Variants in ADD2 observed in about 807,000 individuals in gnomAD.
The protein encoded by ADD2 is beta-adducin.
Under a neutral mutation model 83.0 loss-of-function variants are expected in ADD2, and 23 were observed. The observed-to-expected ratio is 0.28, with a 90% CI of 0.20 to 0.39. The LOEUF is 0.39. ADD2 is among the 10% of genes least tolerant of loss of function. The probability of loss-of-function intolerance (pLI) is 1.00; values close to 1 mark genes in which losing one functional copy is unlikely to be tolerated. For synonymous variants in ADD2, 375 were observed against 375.4 expected (o/e 1.00, Z 0.01); for missense variants, 758 against 944.9 (o/e 0.80, Z 2.59).
At chr2:70,693,080 A>T (rs560796496) in intron 6 of ADD2, among the ~76,000 whole-genome samples, 1 of 152,282 alleles carries the variant, frequency 6.6e-6, no homozygotes, top group South Asian at 2.1e-4. Flanking sequence ...CTGCTTTACC[A>T]GTGACAGCTC....
At chr2:70,679,697 TA>T (rs34201521) in intron 10 of ADD2, among the ~76,000 whole-genome samples, 3,638 of 151,662 alleles carry the variant, frequency 0.024, 78 homozygotes, top group Admixed American at 0.058. Flanking sequence ...TAAGCAAAAT[TA>T]AAAAAAATAA....
At chr2:70,692,645 C>T in intron 6 of ADD2, 93 bp from the exon 7 acceptor site, 2 of 1,347,780 alleles carry the variant, frequency 1.5e-6, no homozygotes, top group Non-Finnish European at 2.0e-6. Flanking sequence ...TGCCGCCCAC[C>T]TGTCTTCACA....
At chr2:70,721,797 C>A (rs1465470882) in intron 1 of ADD2, among the ~76,000 whole-genome samples, 1 of 152,168 alleles carries the variant, frequency 6.6e-6, no homozygotes, top group East Asian at 1.9e-4. Context: ...CCAGCCCAAT[C>A]CCACATGCAG....
rs1247646529 is a variant in ADD2, at chr2:70,676,804, G to A, written c.1585C>T (p.Arg529Ter). 1.9e-6 allele frequency: 3 copies of A among 1,614,166 alleles called. No homozygotes were observed. Among genetic ancestry groups the A allele is most frequent in the South Asian group, 1.1e-5 (1 of 91,078 alleles). ...LLASVIAEKS[R>*]SPSTESQLMS... ...GGCAGCCTCTGCTCTACCGGGCTTC[G>A]GCTCTTCTCGGCAATGACGCTCGCC... The change falls in exon 13 of 16, where the codon CGA (arginine) becomes TGA (stop). Residue 529 changes from arginine (R) to a stop codon, truncating the protein, a stop_gained. Coordinates refer to ENST00000264436, the MANE Select transcript of ADD2 (RefSeq NM_001617.4). LOFTEE classifies it high-confidence loss of function. This position sits in a 1 kb window ranked among gnomAD's most constrained non-coding sequence, Gnocchi z 4.8.
rs761481671 is a variant in ADD2 at position 70,676,826 on chromosome 2, C to T, written c.1563G>A (p.Ala521=). The T allele has an allele frequency of 2.2e-5, 35 of 1,614,078 alleles. No individual in the cohort carries two copies. The highest frequency in any genetic ancestry group is 1.6e-4 in the Middle Eastern group (1 of 6,082). Residue 521 remains alanine (A), a synonymous_variant, in exon 13 of 16, where the codon GCG becomes GCA. Coordinates refer to ENST00000264436, the MANE Select transcript of ADD2 (RefSeq NM_001617.4). This position sits in a 1 kb window ranked among gnomAD's most constrained non-coding sequence, Gnocchi z 4.8. ...TTCGGCTCTTCTCGGCAATGACGCT[C>T]GCCAGGAGCTGGGACTGAGGCCCCG... ...KSAGPQSQLL[A]SVIAEKSRSP...
chr2:70,673,236 C>T (rs1553367488), intron 14 of ADD2: 3 of 1,614,034 alleles, frequency 1.9e-6, no homozygotes, highest in South Asian at 1.1e-5. Context: ...TCAAAACACA[C>T]CTACCAATAT....
At chr2:70,705,514 C>G (rs1671841119) in intron 3 of ADD2, among the ~76,000 whole-genome samples, 1 of 152,216 alleles carries the variant, frequency 6.6e-6, no homozygotes, top group Admixed American at 6.5e-5. Context: ...CCCCCAAGCT[C>G]TTCCTCAGTC....
chr2:70,710,056 A>T (rs981551916), intron 2 of ADD2, among the ~76,000 whole-genome samples: 1 of 152,032 alleles, frequency 6.6e-6, no homozygotes, highest in African/African-American at 2.4e-5. Context: ...CTGTTTAGTG[A>T]CTCATCATAG....
At chr2:70,746,251 C>T (rs1553381954) in intron 1 of ADD2, among the ~76,000 whole-genome samples, 1 of 152,200 alleles carries the variant, frequency 6.6e-6, no homozygotes. Flanking sequence ...CTTCTATGAG[C>T]TCTGAGGGCG....
chr2:70,755,129 T>A (rs1213438234), intron 1 of ADD2, among the ~76,000 whole-genome samples: 1 of 152,158 alleles, frequency 6.6e-6, no homozygotes, highest in Admixed American at 6.5e-5. Context: ...AATTACCCTC[T>A]ACACCTTTCA....
chr2:70,678,663 C>A, intron 11 of ADD2, 41 bp downstream of exon 11: 1 of 1,512,420 alleles, frequency 6.6e-7, no homozygotes, highest in Non-Finnish European at 8.8e-7. Context: ...CTAATGCAGC[C>A]TGCCCCTCTC....
intron 1 of ADD2, among the ~76,000 whole-genome samples, chr2:70,754,479 C>T (rs1362331364): frequency 6.6e-6 from 1 of 152,082 alleles, no homozygotes; most frequent in East Asian, 1.9e-4. Flanking sequence ...TCCTTCAAAA[C>T]CCCATCACCT....
At chr2:70,675,273 CCACAACACACAGCATTAAGTTATATG>C (rs1553368015) in intron 13 of ADD2, 3 of 1,000,838 alleles carry the variant, frequency 3.0e-6, no homozygotes, top group African/African-American at 1.7e-5. Flanking sequence ...GCAGTGCAAG[CCACAACACACAGCATTAAGTTATATG>C]CACAACACAC....
At chr2:70,674,413 A>AC (rs1358813791) in intron 14 of ADD2, among the ~76,000 whole-genome samples, 1 of 152,214 alleles carries the variant, frequency 6.6e-6, no homozygotes, top group Non-Finnish European at 1.5e-5. Context: ...TCTGGTGTTT[A>AC]CTGGCCTAAG....
chr2:70,676,155 C>G lies in ADD2; in HGVS notation c.1593+641G>C. Reference sequence around the variant, plus strand: ...AAATGTCATGCCCATTGCTACCTTGCAAGGAGCAGCAGTGATTTCAAACAC... The same window carrying G: ...AAATGTCATGCCCATTGCTACCTTGGAAGGAGCAGCAGTGATTTCAAACAC... On this transcript the variant is annotated intron_variant, in intron 13 of 15. Transcript: ENST00000264436. This position sits in a 1 kb window ranked among gnomAD's most constrained non-coding sequence, Gnocchi z 4.8. The G allele has an allele frequency of 1.0e-6, 1 of 985,540 alleles. No individual in the cohort carries two copies. Among genetic ancestry groups the G allele is most frequent in the Non-Finnish European group, 1.2e-6 (1 of 829,992 alleles). The allele number at this position is 985,540 out of a possible 1,614,324, so 61.0% of individuals were successfully genotyped here. A position where few individuals can be genotyped will look rare whatever the true frequency, so the allele number is the denominator to read the frequency against.
chr2:70,719,206 G>A (rs555648716), intron 1 of ADD2, among the ~76,000 whole-genome samples: 1 of 152,340 alleles, frequency 6.6e-6, no homozygotes, highest in South Asian at 2.1e-4. Flanking sequence ...TCACTGCAGT[G>A]TGGGTACAGC....
At chr2:70,710,557 T>C (rs1447291968) in intron 2 of ADD2, among the ~76,000 whole-genome samples, 2 of 152,254 alleles carry the variant, frequency 1.3e-5, no homozygotes, top group African/African-American at 4.8e-5. Flanking sequence ...AGCAGGGGCC[T>C]GAGCCAACCC....
chr2:70,760,199 T>C (rs749599601), intron 1 of ADD2, among the ~76,000 whole-genome samples: 1 of 152,206 alleles, frequency 6.6e-6, no homozygotes, highest in African/African-American at 2.4e-5. Flanking sequence ...CATGGTGCCA[T>C]CTTGAAACCT....
chr2:70,746,406 C>A (rs1034961141), intron 1 of ADD2, among the ~76,000 whole-genome samples: 1 of 152,202 alleles, frequency 6.6e-6, no homozygotes, highest in Non-Finnish European at 1.5e-5. Context: ...AGCAGTAGTA[C>A]AGCTTGCAGC....
Sources: allele counts gnomAD v4.1 joint callset (sites outside exome capture counted in the v4.1 genomes callset), GRCh38; gene constraint gnomAD v4.1.1; non-coding constraint Gnocchi (gnomAD v3.1); transcripts MANE v1.5; gene names NCBI Gene and HGNC (gene_info 2026-07-23, HGNC 2026-07-21).